The following LRRIQ1 variants were observed in gnomAD, a reference collection of about 807,000 sequenced individuals.
LRRIQ1 encodes the protein leucine rich repeats and IQ motif containing 1.
Under a neutral mutation model 211.9 loss-of-function variants are expected in LRRIQ1, and 210 were observed. That is an observed-to-expected ratio of 0.99 (90% CI 0.89 to 1.11). LRRIQ1 has a LOEUF of 1.11. Among genes scored for constraint, LRRIQ1 ranks in the 50% most tolerant of loss-of-function variants. The pLI is 0.00. For synonymous variants in LRRIQ1, 699 were observed against 650.1 expected (o/e 1.08, Z -1.14); for missense variants, 2,136 against 1,939.5 (o/e 1.10, Z -1.90).
intron 3 of LRRIQ1, among the ~76,000 whole-genome samples, chr12:85,041,581 A>T (rs1205591996): frequency 1.3e-5 from 2 of 151,656 alleles, no homozygotes; most frequent in Non-Finnish European, 3.0e-5. Flanking sequence ...CACTGAGTGG[A>T]TTTAATATGT....
intron 24 of LRRIQ1, among the ~76,000 whole-genome samples, chr12:85,163,554 A>T (rs1395675): frequency 0.023 from 3,482 of 151,592 alleles, 116 homozygotes; most frequent in African/African-American, 0.078. Context: ...GTATAAATTT[A>T]AAAAAAAATT....
chr12:85,198,265 T>A (rs1893101708), intron 24 of LRRIQ1, among the ~76,000 whole-genome samples: 2 of 148,318 alleles, frequency 1.3e-5, no homozygotes, highest in African/African-American at 5.0e-5. Context: ...AGTGCTGCAA[T>A]GAACATACGT....
chr12:85,101,464 C>A (rs187655731), intron 13 of LRRIQ1, among the ~76,000 whole-genome samples: 1 of 151,724 alleles, frequency 6.6e-6, no homozygotes, highest in Non-Finnish European at 1.5e-5. Flanking sequence ...GTTCATTGTA[C>A]AAATCTTTTG....
At chr12:85,123,624 A>C (rs1441957975) in intron 16 of LRRIQ1, among the ~76,000 whole-genome samples, 2 of 152,168 alleles carry the variant, frequency 1.3e-5, no homozygotes, top group African/African-American at 4.8e-5. Context: ...AATGGGAATA[A>C]AAATTTTCCC....
chr12:85,103,926 A>G (rs1259314853), intron 13 of LRRIQ1, 78 bp from the exon 14 acceptor site: 4 of 591,180 alleles, frequency 6.8e-6, no homozygotes, highest in African/African-American at 2.0e-5. Flanking sequence ...ATAAAAATGT[A>G]TTGTTATATA....
intron 24 of LRRIQ1, among the ~76,000 whole-genome samples, chr12:85,177,758 C>A (rs1020066202): frequency 3.9e-5 from 6 of 151,954 alleles, no homozygotes; most frequent in Non-Finnish European, 7.4e-5. Context: ...ATTTGTTTTC[C>A]AAGTAACAAT....
chr12:85,065,357 A>T lies in LRRIQ1; in HGVS notation c.2487A>T (p.Gly829=). ...AGTTTCTATCCCTTCGACGCTGTGGATTAACTTCTTTGCACAGCCTGAGTA... is the reference window on the plus strand; with the variant it reads ...AGTTTCTATCCCTTCGACGCTGTGGTTTAACTTCTTTGCACAGCCTGAGTA... ...NLQFLSLRRC[G]LTSLHSLSNC... Residue 829 remains glycine, a synonymous_variant, in exon 9 of 27, where the codon GGA becomes GGT. Coordinates refer to ENST00000393217, the MANE Select transcript of LRRIQ1 (RefSeq NM_001079910.2). 6.2e-7 allele frequency: 1 copy of T among 1,610,990 alleles called. No homozygotes were observed. The highest frequency in any genetic ancestry group is 1.1e-5 in the South Asian group (1 of 91,000).
chr12:85,223,640 G>A (rs1046688491), intron 24 of LRRIQ1, among the ~76,000 whole-genome samples: 1 of 151,832 alleles, frequency 6.6e-6, no homozygotes, highest in East Asian at 1.9e-4. Context: ...GAAGATTTGG[G>A]GCAAATATAT....
rs1418558401 is a variant in LRRIQ1, at chr12:85,127,899, A to G, written c.4075A>G (p.Thr1359Ala). 1.2e-6 allele frequency: 2 copies of G among 1,613,864 alleles called. No individual in the cohort carries two copies. Among genetic ancestry groups the G allele is most frequent in the South Asian group, 1.1e-5 (1 of 91,074 alleles). The change falls in exon 18 of 27, where the codon ACA (threonine) becomes GCA (alanine). Residue 1359 changes from threonine (T) to alanine (A), a missense_variant. Transcript: ENST00000393217. ...YLMRRQTHFS[T>A]RLHTAATEGL... is the part of the protein sequence containing the mutation. ...CATGCGCAGACAGACTCATTTCTCC[A>G]CAAGGCTACATACTGCTGCAACAGA... is the stretch of plus-strand genomic sequence containing the variant.
chr12:85,138,332 T>C (rs1889281062), intron 19 of LRRIQ1, among the ~76,000 whole-genome samples: 1 of 151,544 alleles, frequency 6.6e-6, no homozygotes, highest in Non-Finnish European at 1.5e-5. Context: ...TAAGTTGCAT[T>C]TAGTTGTCAT....
At chr12:85,262,643 G>A (rs1405736224) in intron 1 of LRRIQ1, among the ~76,000 whole-genome samples, 1 of 151,870 alleles carries the variant, frequency 6.6e-6, no homozygotes. Flanking sequence ...AAACACCAAC[G>A]ATATTTGAAT....
intron 3 of LRRIQ1, among the ~76,000 whole-genome samples, chr12:85,041,061 G>C (rs1014557584): frequency 2.6e-5 from 4 of 151,594 alleles, no homozygotes; most frequent in Admixed American, 1.3e-4. Flanking sequence ...CCTTGGCTTG[G>C]TTTATAATGA....
In LRRIQ1 at chr12:85,106,505, G is replaced by A; in HGVS notation, c.3284-17G>A. On this transcript the variant is annotated splice_polypyrimidine_tract_variant and intron_variant, in intron 14 of 26. Coordinates refer to ENST00000393217, the MANE Select transcript of LRRIQ1 (RefSeq NM_001079910.2). Reference sequence around the variant, plus strand: ...AATCTGTGATGATACCTTTCAAAATGATTTTATTTTCTGTAGATCTTAAAA... The same window carrying A: ...AATCTGTGATGATACCTTTCAAAATAATTTTATTTTCTGTAGATCTTAAAA... The A allele has an allele frequency of 6.5e-7, 1 of 1,534,506 alleles. No individual in the cohort carries two copies. Among genetic ancestry groups the A allele is most frequent in the Non-Finnish European group, 9.0e-7 (1 of 1,110,770 alleles).
chr12:85,229,680 G>C lies in LRRIQ1; in HGVS notation c.4955+31G>C, dbSNP rs1333775605. 3 of 1,596,208 alleles carry C rather than the reference G, an allele frequency of 1.9e-6. No homozygotes were observed. The African/African-American group carries it at 4.1e-5, about 22-fold the overall frequency. On this transcript the variant is annotated intron_variant, in intron 25 of 26. Coordinates refer to ENST00000393217, the MANE Select transcript of LRRIQ1 (RefSeq NM_001079910.2). ...GTCATTTCCTCTAAATTAGATTTTT[G>C]TATTGTAAACACATCTTGAAAATTG... is the stretch of plus-strand genomic sequence containing the variant.
chr12:85,145,534 T>C (rs1185393491), intron 19 of LRRIQ1, among the ~76,000 whole-genome samples: 1 of 151,686 alleles, frequency 6.6e-6, no homozygotes, highest in Non-Finnish European at 1.5e-5. Context: ...AGGATGCTGA[T>C]AGAAGGAATG....
At chr12:85,248,750 A>G (rs1895809084), downstream of LRRIQ1, among the ~76,000 whole-genome samples, 1 of 151,838 alleles carries the variant, frequency 6.6e-6, no homozygotes, top group South Asian at 2.1e-4. Context: ...TAAAGGCACT[A>G]TTCGTGATTT....
At chr12:85,142,422 A>C (rs929000443) in intron 19 of LRRIQ1, among the ~76,000 whole-genome samples, 2 of 151,560 alleles carry the variant, frequency 1.3e-5, no homozygotes, top group African/African-American at 4.8e-5. Flanking sequence ...TGAAATATGT[A>C]AACCTAGCTA....
chr12:85,055,415 T>C (rs1319895371), intron 7 of LRRIQ1, 132 bp from the exon 8 acceptor site: 6 of 712,902 alleles, frequency 8.4e-6, no homozygotes, highest in Non-Finnish European at 1.2e-5. Flanking sequence ...TTAGTTTCTC[T>C]AAATAAATTT....
At chr12:85,043,704 G>A (rs1022109982) in intron 3 of LRRIQ1, among the ~76,000 whole-genome samples, 1 of 152,118 alleles carries the variant, frequency 6.6e-6, no homozygotes, top group East Asian at 1.9e-4. Flanking sequence ...TAATAAGACT[G>A]AAGAAGCAGT....
Sources: gnomAD v4.1 joint callset for allele counts (sites outside exome capture counted in the v4.1 genomes callset) on GRCh38, gnomAD v4.1.1 for gene constraint, MANE v1.5 for transcripts, NCBI Gene and HGNC (gene_info 2026-07-23, HGNC 2026-07-21) for gene names.